The following NTM variants were observed in gnomAD, a reference collection of about 807,000 sequenced individuals.
The protein encoded by NTM is IgLON family member 2.
A neutral mutation model predicts 42.1 loss-of-function variants in NTM; 13 were observed. That is an observed-to-expected ratio of 0.31 (90% CI 0.20 to 0.49). The LOEUF is 0.49. NTM is among the 20% of genes least tolerant of loss of function. NTM has a pLI of 0.99. For synonymous variants in NTM, 187 were observed against 179.2 expected (o/e 1.04, Z -0.35); for missense variants, 373 against 452.8 (o/e 0.82, Z 1.60).
intron 1 of NTM, chr11:131,911,312 T>C: frequency 6.9e-7 from 1 of 1,449,918 alleles, no homozygotes. Flanking sequence ...GGGGGAGGAA[T>C]ATTAGACTCG....
chr11:132,251,422 C>T (rs567407430), intron 4 of NTM, among the ~76,000 whole-genome samples: 1 of 152,292 alleles, frequency 6.6e-6, no homozygotes, highest in East Asian at 1.9e-4. Flanking sequence ...ACTGTCTCAT[C>T]CAGTTCCTTT....
chr11:131,878,525 G>C (rs1324323931), intron 1 of NTM, among the ~76,000 whole-genome samples: 3 of 135,032 alleles, frequency 2.2e-5, no homozygotes, highest in Non-Finnish European at 4.6e-5. Flanking sequence ...ACCCGAGATG[G>C]CACCGCTGCA....
chr11:131,600,485 T>C (rs1005467604), intron 1 of NTM, among the ~76,000 whole-genome samples: 8 of 152,210 alleles, frequency 5.3e-5, no homozygotes, highest in Admixed American at 1.3e-4. Flanking sequence ...AATGGGCTTT[T>C]GGCTGCTGCT....
chr11:131,719,450 G>A (rs1009710333), intron 1 of NTM, among the ~76,000 whole-genome samples: 1 of 152,206 alleles, frequency 6.6e-6, no homozygotes, highest in Non-Finnish European at 1.5e-5. Context: ...ATGCATAGCT[G>A]TGAGAGCTGG....
Position 132,336,405 on chromosome 11 carries a change from AACT to A in NTM, c.*1261_*1263del, listed in dbSNP as rs2095872592. 6.6e-6 allele frequency: 1 copy of A among 151,598 alleles called. No homozygotes were observed. The highest frequency in any genetic ancestry group is 2.4e-5 in the African/African-American group (1 of 41,240). The allele number at this position is 151,598 out of a possible 1,614,324, so 9.4% of individuals were successfully genotyped here. A position where few individuals can be genotyped will look rare whatever the true frequency, so the allele number is the denominator to read the frequency against. ...TGAAAGGATAAAAAAAAAAAAAAAC[AACT>A]AATACCGGGCGCAGCATCTTTCCAG... On this transcript the variant is annotated 3_prime_UTR_variant, in exon 9 of 9. Coordinates refer to ENST00000683400, the MANE Select transcript of NTM (RefSeq NM_001352005.2).
intron 2 of NTM, among the ~76,000 whole-genome samples, chr11:131,931,654 A>T (rs774343732): frequency 2.9e-4 from 44 of 152,028 alleles, no homozygotes; most frequent in Non-Finnish European, 5.4e-4. Context: ...CATGCCCATG[A>T]CCTGGCTAGG....
intron 1 of NTM, among the ~76,000 whole-genome samples, chr11:131,875,630 C>G (rs190689208): frequency 6.6e-6 from 1 of 152,314 alleles, no homozygotes; most frequent in Admixed American, 6.5e-5. Context: ...TTTTAAGTCA[C>G]AAGAAAGCAA....
At chr11:132,079,557 G>A (rs2058764193) in intron 2 of NTM, among the ~76,000 whole-genome samples, 3 of 152,078 alleles carry the variant, frequency 2.0e-5, no homozygotes, top group South Asian at 2.1e-4. Context: ...TTGGTAACTT[G>A]GAGTTTTCCA....
At chr11:131,486,579 TCAGG>T (rs1347159287) in intron 1 of NTM, among the ~76,000 whole-genome samples, 2 of 152,282 alleles carry the variant, frequency 1.3e-5, no homozygotes, top group East Asian at 3.9e-4. Context: ...GTTTTTCTGG[TCAGG>T]AATAAGCAGG....
intron 3 of NTM, among the ~76,000 whole-genome samples, chr11:132,165,576 C>T (rs527699857): frequency 2.0e-5 from 3 of 152,304 alleles, no homozygotes; most frequent in African/African-American, 7.2e-5. Flanking sequence ...AATCTCCCAA[C>T]AATCTTAGGT....
intron 1 of NTM, among the ~76,000 whole-genome samples, chr11:131,609,202 A>G (rs907820730): frequency 2.6e-5 from 4 of 152,310 alleles, no homozygotes; most frequent in Admixed American, 6.5e-5. Context: ...TCTGACTGCC[A>G]GGGTTCCTTT....
chr11:132,074,325 A>T (rs1217558935), intron 2 of NTM, among the ~76,000 whole-genome samples: 1 of 152,214 alleles, frequency 6.6e-6, no homozygotes, highest in East Asian at 1.9e-4. Flanking sequence ...GACTCAGCAC[A>T]CAGGTGGGTG....
intron 1 of NTM, among the ~76,000 whole-genome samples, chr11:131,619,349 T>C (rs2062281245): frequency 6.6e-6 from 1 of 152,320 alleles, no homozygotes; most frequent in Non-Finnish European, 1.5e-5. Context: ...TCTAACTTTA[T>C]GTAAAACACT....
rs201069325 is a variant in NTM at position 131,878,594 on chromosome 11, AATATATATATAT to A, written c.83-32934_83-32923del. ...CAAAAAAAAAAAAAAAAAAAAAAAA[AATATATATATAT>A]ATATATATATATATATATATATATA... On this transcript the variant is annotated intron_variant, in intron 1 of 8. Transcript: ENST00000683400. Among the ~76,000 whole-genome samples the A allele has an allele frequency of 3.5e-3, 68 of 19,298 alleles. 1 individual carries two copies. Among genetic ancestry groups the A allele is most frequent in the African/African-American group, 0.01 (60 of 5,926 alleles). The allele number at this position is 19,298 out of a possible 152,430, so 12.7% of individuals were successfully genotyped here.
intron 4 of NTM, among the ~76,000 whole-genome samples, chr11:132,219,895 CTT>C (rs1405571477): frequency 6.6e-6 from 1 of 152,110 alleles, no homozygotes; most frequent in Non-Finnish European, 1.5e-5. Context: ...AAGATTGAAT[CTT>C]TATAAAAGCT....
At chr11:131,478,856 A>G (rs1376974320) in intron 1 of NTM, among the ~76,000 whole-genome samples, 4 of 152,272 alleles carry the variant, frequency 2.6e-5, no homozygotes, top group Non-Finnish European at 5.9e-5. Context: ...GCTTCTTCGC[A>G]TAGCCCAGCA....
intron 1 of NTM, chr11:131,795,844 G>T (rs1293920353): frequency 3.3e-5 from 33 of 985,164 alleles, no homozygotes; most frequent in Non-Finnish European, 3.9e-5. Context: ...ACCATGGCAA[G>T]AATGCACAGG....
chr11:131,969,842 G>A (rs796141143), intron 2 of NTM, among the ~76,000 whole-genome samples: 2 of 152,124 alleles, frequency 1.3e-5, no homozygotes, highest in African/African-American at 4.8e-5. Context: ...TTTGAGACAG[G>A]GTCTTGCTCT....
Position 131,949,896 on chromosome 11 carries a change from C to T in NTM, c.167+38248C>T, listed in dbSNP as rs1280980908. ...CATCCTATTGAGACTCTCCTAGCTA[C>T]TCACACTTTTCTCTTCTGACACTTT... is the stretch of plus-strand genomic sequence containing the variant. On this transcript the variant is annotated intron_variant, in intron 2 of 8. Coordinates refer to ENST00000683400, the MANE Select transcript of NTM (RefSeq NM_001352005.2). 2.2e-5 allele frequency among the ~76,000 whole-genome samples: 3 copies of T among 139,430 alleles called. No homozygotes were observed. In the East Asian group the frequency reaches 5.8e-4, roughly 27 times the overall value. The allele number at this position is 139,430 out of a possible 152,430, so 91.5% of individuals were successfully genotyped here.
Sources: gnomAD v4.1 joint callset for allele counts (sites outside exome capture counted in the v4.1 genomes callset) on GRCh38, gnomAD v4.1.1 for gene constraint, MANE v1.5 for transcripts, NCBI Gene and HGNC (gene_info 2026-07-23, HGNC 2026-07-21) for gene names.